The following CORIN variants were observed in gnomAD, a reference collection of about 807,000 sequenced individuals.
The protein encoded by CORIN is atrial natriuretic peptide-converting enzyme.
In CORIN, 117 loss-of-function variants were observed where a neutral mutation model predicts 125.3. The observed-to-expected ratio is 0.93, with a 90% CI of 0.80 to 1.09. The LOEUF is 1.09. CORIN is among the 50% of genes least tolerant of loss of function. CORIN has a pLI of 0.00. For missense variants in CORIN, 1,253 were observed against 1,306.7 expected (o/e 0.96, Z 0.63); for synonymous variants, 450 against 466.4 (o/e 0.96, Z 0.45).
chr4:47,757,822 A>G (rs184048855), intron 4 of CORIN, among the ~76,000 whole-genome samples: 1 of 147,586 alleles, frequency 6.8e-6, no homozygotes, highest in East Asian at 2.0e-4. Flanking sequence ...TAGAGATTGA[A>G]TTATAATCAG....
At chr4:47,828,885 G>A (rs1336167199) in intron 1 of CORIN, among the ~76,000 whole-genome samples, 6 of 151,968 alleles carry the variant, frequency 3.9e-5, no homozygotes, top group South Asian at 2.1e-4. Flanking sequence ...TAGGCCCGGC[G>A]CGGTGGCTCA....
At chr4:47,730,187 C>T (rs2109812730) in intron 5 of CORIN, among the ~76,000 whole-genome samples, 1 of 152,186 alleles carries the variant, frequency 6.6e-6, no homozygotes, top group Non-Finnish European at 1.5e-5. Flanking sequence ...TTTAAAAGAG[C>T]TTGCAGGCCG....
intron 3 of CORIN, among the ~76,000 whole-genome samples, chr4:47,769,517 C>CA (rs1035647832): frequency 6.6e-6 from 1 of 151,438 alleles, no homozygotes; most frequent in Admixed American, 6.6e-5. Flanking sequence ...CAAAGAAATA[C>CA]AAAAAATCCT....
At chr4:47,624,027 C>A in intron 17 of CORIN, 79 bp from the exon 18 acceptor site, 1 of 1,173,814 alleles carries the variant, frequency 8.5e-7, no homozygotes, top group Admixed American at 1.8e-5. Context: ...CAGTGAAATA[C>A]AAGACAGCTC....
At chr4:47,672,910 CA>C (rs1724826053) in intron 10 of CORIN, among the ~76,000 whole-genome samples, 1 of 151,930 alleles carries the variant, frequency 6.6e-6, no homozygotes, top group Non-Finnish European at 1.5e-5. Context: ...CTCCTTTTTT[CA>C]CCCCCTTGAG....
chr4:47,597,564 C>A (rs940925849), intron 21 of CORIN, among the ~76,000 whole-genome samples: 1 of 151,854 alleles, frequency 6.6e-6, no homozygotes, highest in Non-Finnish European at 1.5e-5. Flanking sequence ...AATGCTTAGA[C>A]GAAAAAGAAA....
In CORIN at chr4:47,683,814, C is replaced by G. The variant is rs1725394837; in HGVS notation, c.938G>C (p.Cys313Ser). The change falls in exon 7 of 22, where the codon TGT becomes TCT. Residue 313 changes from cysteine (C) to serine (S), a missense_variant. Transcript: ENST00000273857. Reference protein sequence around the residue: ...HCNCSENLFHCHTGKCLNYSL... With the variant: ...HCNCSENLFHSHTGKCLNYSL... ...GTAATTAAGGCACTTGCCTGTGTGA[C>G]AGTGAAACAGATTCTCGCTGCAGTC... The G allele has an allele frequency of 6.2e-7, 1 of 1,613,226 alleles. No homozygotes were observed.
chr4:47,830,503 T>G (rs1732934029), intron 1 of CORIN, among the ~76,000 whole-genome samples: 3 of 152,210 alleles, frequency 2.0e-5, no homozygotes, highest in Admixed American at 2.0e-4. Flanking sequence ...GTTTATTGCT[T>G]AGTTAGAAAC....
chr4:47,677,798 G>A, intron 9 of CORIN, 140 bp downstream of exon 9: 1 of 635,598 alleles, frequency 1.6e-6, no homozygotes, highest in Non-Finnish European at 2.8e-6. Flanking sequence ...TGGCTGACTA[G>A]GGCTGTGAGG....
chr4:47,603,656 A>T lies in CORIN; in HGVS notation c.2553T>A (p.Ala851=). 1 of 1,613,128 alleles carries T rather than the reference A, an allele frequency of 6.2e-7. No individual in the cohort carries two copies. Among genetic ancestry groups the T allele is most frequent in the Admixed American group, 1.7e-5 (1 of 60,008 alleles). Reference sequence around the variant, plus strand: ...TGCCAAGCACCACTTTCCAAACTGCAGCATTCTCTCTCCTAAAATTATAAT... The same window carrying T: ...TGCCAAGCACCACTTTCCAAACTGCTGCATTCTCTCTCCTAAAATTATAAT... The part of the protein sequence containing the change: ...VAHCFEGREN[A]AVWKVVLGIN... Residue 851 remains alanine (A), a synonymous_variant, in exon 20 of 22, where the codon GCT becomes GCA. Coordinates refer to ENST00000273857, the MANE Select transcript of CORIN (RefSeq NM_006587.4).
chr4:47,825,590 A>G lies in CORIN; in HGVS notation c.63+12297T>C, dbSNP rs542252280. Among the ~76,000 whole-genome samples the G allele has an allele frequency of 1.2e-3, 189 of 152,146 alleles. 1 individual carries two copies. Among genetic ancestry groups the G allele is most frequent in the Non-Finnish European group, 2.1e-3 (145 of 68,010 alleles). ...AACACTTGAATCCCACCAAGCCCAC[A>G]TTGCAGTAATTCTTTTAAATGAATA... On this transcript the variant is annotated intron_variant, in intron 1 of 21. Coordinates refer to ENST00000273857, the MANE Select transcript of CORIN (RefSeq NM_006587.4).
At chr4:47,629,809 T>A (rs1255111227) in intron 16 of CORIN, among the ~76,000 whole-genome samples, 1 of 152,218 alleles carries the variant, frequency 6.6e-6, no homozygotes, top group South Asian at 2.1e-4. Context: ...AAAGACTAAC[T>A]TGTTTTATTT....
At chr4:47,701,125 T>TA (rs760935095) in intron 5 of CORIN, among the ~76,000 whole-genome samples, 6 of 152,224 alleles carry the variant, frequency 3.9e-5, no homozygotes, top group Non-Finnish European at 8.8e-5. Flanking sequence ...ATCAATATTC[T>TA]AAAAAAGGCA....
At chr4:47,605,403 A>C (rs1437872946) in intron 19 of CORIN, among the ~76,000 whole-genome samples, 1 of 152,074 alleles carries the variant, frequency 6.6e-6, no homozygotes, top group Admixed American at 6.6e-5. Flanking sequence ...TTTTGACTCT[A>C]ACCACAAAGT....
chr4:47,758,786 C>T (rs779443696), intron 4 of CORIN, among the ~76,000 whole-genome samples: 8 of 152,154 alleles, frequency 5.3e-5, no homozygotes, highest in Admixed American at 2.6e-4. Flanking sequence ...CATTTTGCTC[C>T]GCACTTCTCC....
intron 1 of CORIN, among the ~76,000 whole-genome samples, chr4:47,818,125 A>G (rs188634833): frequency 8.5e-5 from 13 of 152,358 alleles, no homozygotes; most frequent in Admixed American, 4.6e-4. Flanking sequence ...TGTTTATCTC[A>G]GGAGGTCAAA....
intron 2 of CORIN, among the ~76,000 whole-genome samples, chr4:47,792,720 A>G (rs1731133900): frequency 6.6e-6 from 1 of 152,166 alleles, no homozygotes. Flanking sequence ...CAAGGCTATA[A>G]GCAAAACTAA....
chr4:47,815,972 T>C (rs1481014867), intron 1 of CORIN, among the ~76,000 whole-genome samples: 1 of 152,164 alleles, frequency 6.6e-6, no homozygotes, highest in Admixed American at 6.6e-5. Context: ...ATTGACTCAC[T>C]AATCCTATAA....
intron 4 of CORIN, among the ~76,000 whole-genome samples, chr4:47,749,283 A>G (rs1560531579): frequency 6.6e-6 from 1 of 152,136 alleles, no homozygotes; most frequent in Non-Finnish European, 1.5e-5. Context: ...CAACTTCATC[A>G]TTAGTCTACA....
Sources: allele counts gnomAD v4.1 joint callset (sites outside exome capture counted in the v4.1 genomes callset), GRCh38; gene constraint gnomAD v4.1.1; transcripts MANE v1.5; gene names NCBI Gene and HGNC (gene_info 2026-07-23, HGNC 2026-07-21).